The following TEX9 variants were observed in gnomAD, a reference collection of about 807,000 sequenced individuals.
The protein encoded by TEX9 is testis expressed 9.
TEX9 carries 74 observed loss-of-function variants against 59.6 expected under a neutral mutation model. The observed-to-expected ratio is 1.24, with a 90% CI of 1.03 to 1.51. The LOEUF is 1.51. Ranked by LOEUF, TEX9 falls within the 40% of genes most tolerant of loss-of-function variation. The pLI is 0.00. For missense variants in TEX9, 522 were observed against 447.8 expected (o/e 1.17, Z -1.49); for synonymous variants, 186 against 152.2 (o/e 1.22, Z -1.64).
At chr15:56,454,849 A>T in the TEX9 span, among the ~76,000 whole-genome samples, 1 of 152,226 alleles carries the variant, frequency 6.6e-6, no homozygotes, top group Non-Finnish European at 1.5e-5. Flanking sequence ...ATTTTCCAGA[A>T]CCTTTTCACA....
At chr15:56,302,152 A>G (rs1258053344) in intron 1 of TEX9, among the ~76,000 whole-genome samples, 1 of 152,148 alleles carries the variant, frequency 6.6e-6, no homozygotes, top group African/African-American at 2.4e-5. Flanking sequence ...ATCATGGGTT[A>G]TAAGATGTTA....
chr15:56,266,981 G>C (rs1215644162), intron 1 of TEX9, among the ~76,000 whole-genome samples: 2 of 152,230 alleles, frequency 1.3e-5, no homozygotes, highest in South Asian at 4.2e-4. Flanking sequence ...ATCCTCTCCA[G>C]CACCTGTTGT....
At chr15:56,296,055 A>G (rs576116218) in intron 1 of TEX9, among the ~76,000 whole-genome samples, 1 of 152,296 alleles carries the variant, frequency 6.6e-6, no homozygotes, top group East Asian at 1.9e-4. Flanking sequence ...TTTGAATACT[A>G]GCTTGCTACC....
chr15:56,384,360 T>C (rs917237167), intron 4 of TEX9, among the ~76,000 whole-genome samples: 33 of 152,282 alleles, frequency 2.2e-4, no homozygotes, highest in Middle Eastern at 3.4e-3. Flanking sequence ...ACAGTTGTCA[T>C]TGGGCTATGA....
chr15:56,424,268 G>C (rs2050137339), intron 10 of TEX9, among the ~76,000 whole-genome samples: 1 of 151,930 alleles, frequency 6.6e-6, no homozygotes, highest in African/African-American at 2.4e-5. Context: ...TAACAGTTTT[G>C]ACTTAAAGTC....
chr15:56,266,188 G>A (rs2044377871), intron 1 of TEX9, among the ~76,000 whole-genome samples: 1 of 151,652 alleles, frequency 6.6e-6, no homozygotes, highest in Admixed American at 6.6e-5. Flanking sequence ...GTGCAGTGGT[G>A]CAGTCTTGGC....
intron 1 of TEX9, among the ~76,000 whole-genome samples, chr15:56,357,764 C>T (rs1362435145): frequency 1.3e-5 from 2 of 152,186 alleles, no homozygotes; most frequent in Admixed American, 6.6e-5. Context: ...ATCATATTTG[C>T]CTGGTCATTC....
chr15:56,272,289 C>G (rs1355905334), intron 1 of TEX9, among the ~76,000 whole-genome samples: 2 of 152,172 alleles, frequency 1.3e-5, no homozygotes, highest in Non-Finnish European at 2.9e-5. Flanking sequence ...TCCCCTTGCT[C>G]CAACCCCTGG....
chr15:56,448,709 C>CT (rs557430581), downstream of TEX9, among the ~76,000 whole-genome samples: 45 of 146,240 alleles, frequency 3.1e-4, 1 homozygote, highest in African/African-American at 1.1e-3. Context: ...AATGCATATG[C>CT]TTTTTTTGGT....
rs1166259357 is a variant in TEX9, at chr15:56,365,568, C to T, written c.28-11C>T. On this transcript the variant is annotated splice_polypyrimidine_tract_variant and intron_variant, in intron 1 of 12. Coordinates refer to ENST00000352903, the Ensembl canonical transcript of TEX9. Reference sequence around the variant, plus strand: ...TAACTTCGGGTCTGAAAGTCTGTGGCTCTTTTACAGAGAAGCAGCGTTCCA... The same window carrying T: ...TAACTTCGGGTCTGAAAGTCTGTGGTTCTTTTACAGAGAAGCAGCGTTCCA... 12 of 1,614,100 alleles carry T rather than the reference C, an allele frequency of 7.4e-6. No homozygotes were observed. The highest frequency in any genetic ancestry group is 1.0e-5 in the Non-Finnish European group (12 of 1,180,052).
At chr15:56,292,794 T>C (rs576568750) in intron 1 of TEX9, among the ~76,000 whole-genome samples, 46 of 152,160 alleles carry the variant, frequency 3.0e-4, no homozygotes, top group Non-Finnish European at 5.3e-4. Flanking sequence ...CTGACTGATA[T>C]GGCGGTACTA....
chr15:56,365,613 C>G, exon 2 of TEX9: 5 of 1,614,190 alleles, frequency 3.1e-6, no homozygotes, highest in Non-Finnish European at 4.2e-6. Flanking sequence ...TTCCCGCCAC[C>G]CGTTCAGCAA....
chr15:56,424,810 C>A (rs2050163884), intron 10 of TEX9, among the ~76,000 whole-genome samples: 1 of 151,988 alleles, frequency 6.6e-6, no homozygotes, highest in Non-Finnish European at 1.5e-5. Flanking sequence ...ATAATACAGG[C>A]CTTTATATTT....
At chr15:56,292,461 G>T (rs1442507454) in intron 1 of TEX9, among the ~76,000 whole-genome samples, 1 of 152,160 alleles carries the variant, frequency 6.6e-6, no homozygotes, top group South Asian at 2.1e-4. Flanking sequence ...CCTGTGCCTG[G>T]TTTTAACACT....
chr15:56,352,932 T>G (rs1233169675), intron 1 of TEX9, among the ~76,000 whole-genome samples: 6 of 152,220 alleles, frequency 3.9e-5, no homozygotes, highest in African/African-American at 1.4e-4. Context: ...ATTGCTATTT[T>G]CTCTTCTCCA....
At chr15:56,354,664 A>G (rs1369095577) in intron 1 of TEX9, among the ~76,000 whole-genome samples, 1 of 152,210 alleles carries the variant, frequency 6.6e-6, no homozygotes, top group Non-Finnish European at 1.5e-5. Context: ...ATCTGAAGTC[A>G]GAGGCATCTT....
intron 1 of TEX9, 33 bp from the exon 2 acceptor site, chr15:56,365,546 C>G: frequency 6.2e-7 from 1 of 1,614,222 alleles, no homozygotes; most frequent in Non-Finnish European, 8.5e-7. Flanking sequence ...CTTCCTTTAA[C>G]TTCGGGTCTG....
chr15:56,351,041 C>A, intron 1 of TEX9, among the ~76,000 whole-genome samples: 1 of 152,126 alleles, frequency 6.6e-6, no homozygotes, highest in Admixed American at 6.5e-5. Flanking sequence ...TCATAGGCTG[C>A]CAAACCCCAG....
At chr15:56,252,452 A>C (rs2044046768) in intron 1 of TEX9, among the ~76,000 whole-genome samples, 1 of 149,692 alleles carries the variant, frequency 6.7e-6, no homozygotes, top group South Asian at 2.1e-4. Context: ...GCTAATAAGA[A>C]AGCTCAATAT....
Sources: gnomAD v4.1 joint callset for allele counts (sites outside exome capture counted in the v4.1 genomes callset) on GRCh38, gnomAD v4.1.1 for gene constraint, MANE v1.5 for transcripts, NCBI Gene and HGNC (gene_info 2026-07-23, HGNC 2026-07-21) for gene names.